The following EVA1C variants were observed in gnomAD, a reference collection of about 807,000 sequenced individuals.
The protein encoded by EVA1C is protein eva-1 homolog C.
In EVA1C, 25 loss-of-function variants were observed where a neutral mutation model predicts 45.4. The observed-to-expected ratio is 0.55, with a 90% CI of 0.40 to 0.77. EVA1C has a LOEUF of 0.77. Ranked by LOEUF, EVA1C falls within the 30% of genes least tolerant of loss-of-function variation. The probability of loss-of-function intolerance (pLI) is 0.00; values close to 1 mark genes in which losing one functional copy is unlikely to be tolerated. For synonymous variants in EVA1C, 190 were observed against 221.2 expected, an observed-to-expected ratio of 0.86 and a Z score of 1.25; for missense variants, 479 against 554.8, an observed-to-expected ratio of 0.86 and a Z score of 1.37.
chr21:32,415,304 T>C (rs1267066816), intron 1 of EVA1C, among the ~76,000 whole-genome samples: 1 of 152,112 alleles, frequency 6.6e-6, no homozygotes, highest in African/African-American at 2.4e-5. Flanking sequence ...CTTGCCTGTT[T>C]TTCTAAATAA....
chr21:32,488,587 C>CATTT (rs34049195), intron 4 of EVA1C, among the ~76,000 whole-genome samples: 1 of 148,048 alleles, frequency 6.8e-6, no homozygotes, highest in Non-Finnish European at 1.5e-5. Context: ...AGCTGTTGGC[C>CATTT]TTTTTTTTTT....
In EVA1C at chr21:32,486,835, C is replaced by A. The variant is rs374229565; in HGVS notation, c.635-8192C>A. ...TCCTCTGTCCTAGCCCTGTCCCTTT[C>A]AGTGGTAAATGCTATGTAGAGATTT... On this transcript the variant is annotated intron_variant, in intron 4 of 7. Transcript: ENST00000300255. Among the ~76,000 whole-genome samples, 9 of 152,268 alleles carry A rather than the reference C, an allele frequency of 5.9e-5. No homozygotes were observed. In the East Asian group the frequency reaches 1.7e-3, roughly 29 times the overall value.
chr21:32,497,373 C>CT, intron 5 of EVA1C: 1 of 392,192 alleles, frequency 2.5e-6, no homozygotes, highest in East Asian at 6.1e-5. Flanking sequence ...CTGGGGAAAA[C>CT]TTTTTTCAGG....
chr21:32,512,861 G>A (rs1276051643), intron 7 of EVA1C, among the ~76,000 whole-genome samples: 3 of 151,886 alleles, frequency 2.0e-5, no homozygotes, highest in Admixed American at 6.6e-5. Context: ...CAAAGATTTC[G>A]GGGGAGAGGA....
Position 32,473,856 on chromosome 21 carries a change from T to C in EVA1C, c.634+6008T>C, listed in dbSNP as rs944871380. ...TGAGGTCAGAGCTGAACCTTCCATG[T>C]GAGGCTGAGGGCCAGATGAACAGGG... On this transcript the variant is annotated intron_variant, in intron 4 of 7. Coordinates refer to ENST00000300255, the MANE Select transcript of EVA1C (RefSeq NM_058187.5). 1.4e-5 allele frequency: 13 copies of C among 946,446 alleles called. No individual in the cohort carries two copies. The Admixed American group carries it at 6.8e-4, about 49-fold the overall frequency. 58.6% of individuals were successfully genotyped at this position (946,446 alleles called of 1,614,324 possible). A position where few individuals can be genotyped will look rare whatever the true frequency, so the allele number is the denominator to read the frequency against.
chr21:32,467,909 T>TAG, intron 4 of EVA1C, 61 bp downstream of exon 4: 1 of 1,009,476 alleles, frequency 9.9e-7, no homozygotes, highest in Non-Finnish European at 1.3e-6. Context: ...TAATAGAATA[T>TAG]ATATATATAT....
At chr21:32,506,254 A>G (rs933640318) in intron 7 of EVA1C, among the ~76,000 whole-genome samples, 5 of 146,768 alleles carry the variant, frequency 3.4e-5, no homozygotes, top group African/African-American at 1.3e-4. Context: ...TGTATCTAGG[A>G]TGCGGTGCTG....
intron 7 of EVA1C, among the ~76,000 whole-genome samples, chr21:32,513,995 A>G (rs2038056020): frequency 6.6e-6 from 1 of 152,204 alleles, no homozygotes. Flanking sequence ...ATTATTCCCA[A>G]AACAATACAT....
chr21:32,496,151 C>A (rs2037346359), intron 5 of EVA1C, among the ~76,000 whole-genome samples: 1 of 152,174 alleles, frequency 6.6e-6, no homozygotes. Flanking sequence ...ACCAAATCCA[C>A]CCATTCATTA....
intron 7 of EVA1C, among the ~76,000 whole-genome samples, chr21:32,507,814 A>G (rs1009080172): frequency 1.5e-5 from 2 of 133,422 alleles, no homozygotes; most frequent in Non-Finnish European, 3.2e-5. Context: ...GTGTGCATGT[A>G]TGTATGTGTG....
At chr21:32,461,372 A>G (rs1273289339) in intron 3 of EVA1C, among the ~76,000 whole-genome samples, 2 of 152,168 alleles carry the variant, frequency 1.3e-5, no homozygotes, top group Admixed American at 6.5e-5. Flanking sequence ...CCCCATAGAG[A>G]GCAGATGAGA....
chr21:32,497,097 T>A, intron 5 of EVA1C: 1 of 909,300 alleles, frequency 1.1e-6, no homozygotes, highest in Non-Finnish European at 1.9e-6. Context: ...TTAAAGTGAC[T>A]GGGCTTCATT....
At chr21:32,467,908 A>G in intron 4 of EVA1C, 60 bp downstream of exon 4, 2 of 1,010,748 alleles carry the variant, frequency 2.0e-6, no homozygotes, top group South Asian at 5.3e-5. Flanking sequence ...TTAATAGAAT[A>G]TATATATATA....
intron 1 of EVA1C, among the ~76,000 whole-genome samples, chr21:32,422,102 C>T: frequency 7.4e-6 from 1 of 135,724 alleles, no homozygotes; most frequent in African/African-American, 2.8e-5. Flanking sequence ...GAATCTAAAA[C>T]ATGAGAAAGG....
intron 4 of EVA1C, among the ~76,000 whole-genome samples, chr21:32,486,649 G>C (rs1039238341): frequency 1.3e-5 from 2 of 152,084 alleles, no homozygotes. Context: ...TGGAAAAAAG[G>C]CCTTAATAGT....
chr21:32,412,536 G>A, upstream of EVA1C: 1 of 266,476 alleles, frequency 3.8e-6, no homozygotes, highest in Non-Finnish European at 7.0e-6. Context: ...GCAGCCGCGG[G>A]GCGCGCGAAG....
intron 3 of EVA1C, among the ~76,000 whole-genome samples, chr21:32,458,413 G>A (rs974781904): frequency 6.6e-6 from 1 of 152,010 alleles, no homozygotes; most frequent in Admixed American, 6.6e-5. Flanking sequence ...TGGCATTAGA[G>A]GTTCTTGCAC....
intron 1 of EVA1C, among the ~76,000 whole-genome samples, chr21:32,446,930 C>T (rs201666000): frequency 1.1e-4 from 16 of 152,304 alleles, no homozygotes; most frequent in South Asian, 6.2e-4. Context: ...CTGTGTGATT[C>T]CCTCACTCTG....
At chr21:32,514,499 T>C (rs1230980621) in intron 7 of EVA1C, among the ~76,000 whole-genome samples, 1 of 152,216 alleles carries the variant, frequency 6.6e-6, no homozygotes, top group Admixed American at 6.5e-5. Context: ...AGAAAGGTTA[T>C]GAAACTTGCC....
Sources: allele counts gnomAD v4.1 joint callset (sites outside exome capture counted in the v4.1 genomes callset), GRCh38; gene constraint gnomAD v4.1.1; transcripts MANE v1.5; gene names NCBI Gene and HGNC (gene_info 2026-07-23, HGNC 2026-07-21).